The following CD226 variants were observed in gnomAD, a reference collection of about 807,000 sequenced individuals.
CD226 encodes CD226 antigen.
Under a neutral mutation model 34.9 loss-of-function variants are expected in CD226, and 24 were observed. That is an observed-to-expected ratio of 0.69 (90% CI 0.50 to 0.97). CD226 has a LOEUF of 0.97. Among genes scored for constraint, CD226 ranks in the 50% least tolerant of loss-of-function variants. The pLI is 0.00. For missense variants in CD226, 397 were observed against 412.7 expected, an observed-to-expected ratio of 0.96 and a Z score of 0.33; for synonymous variants, 148 against 147.4, an observed-to-expected ratio of 1.00 and a Z score of -0.03.
chr18:69,911,192 T>G (rs891667281), intron 2 of CD226, among the ~76,000 whole-genome samples: 21 of 152,180 alleles, frequency 1.4e-4, no homozygotes, highest in African/African-American at 5.1e-4. Context: ...AATCTTATTT[T>G]TTGAAGTGAG....
intron 2 of CD226, among the ~76,000 whole-genome samples, chr18:69,921,353 C>T (rs757174285): frequency 6.6e-6 from 1 of 152,140 alleles, no homozygotes; most frequent in African/African-American, 2.4e-5. Flanking sequence ...CTGAAGGCCT[C>T]CTCGCATGGG....
At chr18:69,937,249 T>G (rs1396419184) in intron 2 of CD226, among the ~76,000 whole-genome samples, 1 of 152,170 alleles carries the variant, frequency 6.6e-6, no homozygotes, top group South Asian at 2.1e-4. Flanking sequence ...AGGTTTTTGG[T>G]GTTTTGTTGT....
chr18:69,927,867 C>A (rs766607452), intron 2 of CD226, among the ~76,000 whole-genome samples: 14 of 152,132 alleles, frequency 9.2e-5, no homozygotes, highest in Admixed American at 6.6e-5. Context: ...TTCTTTTTAG[C>A]TGTTGTGAAT....
chr18:69,871,724 A>G (rs1467128407), intron 4 of CD226, among the ~76,000 whole-genome samples: 2 of 152,222 alleles, frequency 1.3e-5, no homozygotes, highest in Non-Finnish European at 2.9e-5. Flanking sequence ...TTCAGTTTCC[A>G]CAAAATTTAT....
At chr18:69,954,735 T>C (rs2145386054) in intron 1 of CD226, among the ~76,000 whole-genome samples, 1 of 152,138 alleles carries the variant, frequency 6.6e-6, no homozygotes, top group East Asian at 1.9e-4. Context: ...ACTTGTGTAT[T>C]TGCACCCTGG....
intron 4 of CD226, among the ~76,000 whole-genome samples, chr18:69,868,378 A>G (rs1983278364): frequency 6.6e-6 from 1 of 152,216 alleles, no homozygotes; most frequent in African/African-American, 2.4e-5. Flanking sequence ...TCTTGAAAAT[A>G]AGATGGTCTT....
upstream of CD226, among the ~76,000 whole-genome samples, chr18:69,949,704 C>T (rs2055831545): frequency 6.6e-6 from 1 of 151,944 alleles, no homozygotes. Context: ...CTCACATATG[C>T]ACCCACACAT....
At chr18:69,919,604 C>A (rs1196907730) in intron 2 of CD226, among the ~76,000 whole-genome samples, 1 of 152,116 alleles carries the variant, frequency 6.6e-6, no homozygotes, top group Non-Finnish European at 1.5e-5. Context: ...GCTGAAGAGA[C>A]AAAACATAAT....
At chr18:69,920,318 T>G (rs576359563) in intron 2 of CD226, among the ~76,000 whole-genome samples, 1 of 152,254 alleles carries the variant, frequency 6.6e-6, no homozygotes, top group African/African-American at 2.4e-5. Context: ...GAGGTCTCTT[T>G]GTTCTTCACA....
intron 3 of CD226, among the ~76,000 whole-genome samples, chr18:69,886,126 T>C (rs1460710374): frequency 1.3e-5 from 2 of 152,284 alleles, no homozygotes; most frequent in African/African-American, 4.8e-5. Flanking sequence ...ATAGGAACTC[T>C]GAAGCCAGTC....
At chr18:69,945,067 A>C (rs1599031465) in intron 2 of CD226, among the ~76,000 whole-genome samples, 1 of 152,220 alleles carries the variant, frequency 6.6e-6, no homozygotes, top group East Asian at 1.9e-4. Context: ...AGATGTCATA[A>C]AATGTTCTTC....
upstream of CD226, among the ~76,000 whole-genome samples, chr18:69,959,850 C>T (rs959141083): frequency 6.6e-6 from 1 of 152,100 alleles, no homozygotes; most frequent in African/African-American, 2.4e-5. Flanking sequence ...ACTCCCAACA[C>T]GATGCAGCAG....
chr18:69,896,609 C>G (rs1409765922), intron 2 of CD226, among the ~76,000 whole-genome samples: 1 of 152,070 alleles, frequency 6.6e-6, no homozygotes, highest in East Asian at 1.9e-4. Context: ...ACTTGGTTAA[C>G]CATGTAGTGA....
At chr18:69,938,932 A>G (rs1420353042) in intron 2 of CD226, among the ~76,000 whole-genome samples, 1 of 152,152 alleles carries the variant, frequency 6.6e-6, no homozygotes, top group Non-Finnish European at 1.5e-5. Context: ...ACAAAAATAC[A>G]AAAATTAGCT....
At position 69,857,223 on chromosome 18, in the gene CD226, A is replaced by C. The variant is rs1391311349; in HGVS notation, c.*7091T>G. 1 of 152,234 alleles carries C rather than the reference A, an allele frequency of 6.6e-6. No individual in the cohort carries two copies. The highest frequency in any genetic ancestry group is 1.5e-5 in the Non-Finnish European group (1 of 68,034). The allele number at this position is 152,234 out of a possible 1,614,324, so 9.4% of individuals were successfully genotyped here. A position where few individuals can be genotyped will look rare whatever the true frequency, so the allele number is the denominator to read the frequency against. On this transcript the variant is annotated 3_prime_UTR_variant, in exon 6 of 6. Coordinates refer to ENST00000582621, the MANE Select transcript of CD226 (RefSeq NM_001303618.2). ...AAAGAATTATAAAATAGACATACAAAATTACAGAAAGGTTAGAAGAGTAAT... is the reference window on the plus strand; with the variant it reads ...AAAGAATTATAAAATAGACATACAACATTACAGAAAGGTTAGAAGAGTAAT...
In CD226 at chr18:69,860,232, C is replaced by T. The variant is rs1010520994; in HGVS notation, c.*4082G>A. On this transcript the variant is annotated 3_prime_UTR_variant, in exon 6 of 6. Transcript: ENST00000582621. ...CTCCATGGCAAATGAAAGTAGTGAT[C>T]GTGAAACATTGTGTTTTATTCATTC... is the stretch of plus-strand genomic sequence containing the variant. 4 of 152,034 alleles carry T rather than the reference C, an allele frequency of 2.6e-5. No homozygotes were observed. Among genetic ancestry groups the T allele is most frequent in the Admixed American group, 1.3e-4 (2 of 15,266 alleles). 9.4% of individuals were successfully genotyped at this position (152,034 alleles called of 1,614,324 possible). A position where few individuals can be genotyped will look rare whatever the true frequency, so the allele number is the denominator to read the frequency against.
At chr18:69,900,471 G>A (rs559134000) in intron 2 of CD226, among the ~76,000 whole-genome samples, 17 of 152,216 alleles carry the variant, frequency 1.1e-4, no homozygotes, top group Non-Finnish European at 1.6e-4. Flanking sequence ...GGTGGCTCAC[G>A]CCTGTAATCC....
chr18:69,939,707 C>T (rs146057607), intron 2 of CD226, among the ~76,000 whole-genome samples: 275 of 152,204 alleles, frequency 1.8e-3, no homozygotes, highest in Non-Finnish European at 2.9e-3. Flanking sequence ...TTTTACGTGT[C>T]AATTTGAAGG....
intron 2 of CD226, among the ~76,000 whole-genome samples, chr18:69,900,599 G>A (rs2055166131): frequency 6.6e-6 from 1 of 150,970 alleles, no homozygotes; most frequent in South Asian, 2.1e-4. Flanking sequence ...GGGCGCGGTG[G>A]CGGGCGCCTG....
Sources: allele counts gnomAD v4.1 joint callset (sites outside exome capture counted in the v4.1 genomes callset), GRCh38; gene constraint gnomAD v4.1.1; transcripts MANE v1.5; gene names NCBI Gene and HGNC (gene_info 2026-07-23, HGNC 2026-07-21).